The following SGCG variants were observed in gnomAD, a reference collection of about 807,000 sequenced individuals.
The protein encoded by SGCG is sarcoglycan gamma.
A neutral mutation model predicts 29.3 loss-of-function variants in SGCG; 26 were observed. The ratio of observed to expected loss-of-function variants is 0.89; its 90% CI spans 0.65 to 1.23. SGCG has a LOEUF of 1.23. Ranked by LOEUF, SGCG falls within the 50% of genes most tolerant of loss-of-function variation. SGCG has a pLI of 0.00. For synonymous variants in SGCG, 145 were observed against 129.7 expected (o/e 1.12, Z -0.80); for missense variants, 353 against 356.0 (o/e 0.99, Z 0.07).
chr13:23,231,908 C>T (rs1879128744), intron 2 of SGCG, among the ~76,000 whole-genome samples: 1 of 152,062 alleles, frequency 6.6e-6, no homozygotes. Flanking sequence ...CACCTGAGGT[C>T]AGGAGTTCAG....
Position 23,322,753 on chromosome 13 carries a change from GCCCCCCACCCATCCACCTCCCC to G in SGCG, c.703-1608_703-1587del, listed in dbSNP as rs1883085915. Among the ~76,000 whole-genome samples the G allele has an allele frequency of 2.0e-4, 2 of 9,998 alleles. 1 individual carries two copies. The highest frequency in any genetic ancestry group is 0.017 in the East Asian group (2 of 118). The allele number at this position is 9,998 out of a possible 152,430, so 6.6% of individuals were successfully genotyped here. The stretch of plus-strand genomic sequence containing the variant: ...TCGCACCTGCGGCGATGCACAGACC[GCCCCCCACCCATCCACCTCCCC>G]CCCCCCCCCCCCCCGCCAACAGGTG... On this transcript the variant is annotated intron_variant, in intron 7 of 7. Coordinates refer to ENST00000218867, the MANE Select transcript of SGCG (RefSeq NM_000231.3).
chr13:23,203,312 C>T lies in SGCG; in HGVS notation c.1-383C>T, dbSNP rs183813858. On this transcript the variant is annotated intron_variant, in intron 1 of 7. Transcript: ENST00000218867. ...CAGTTTGATTTTCCTCCCAATTAAC[C>T]TTTGTAGAACTCGGTAACTTGATTA... Among the ~76,000 whole-genome samples the T allele has an allele frequency of 2.0e-4, 31 of 152,206 alleles. No homozygotes were observed. In the East Asian group the frequency reaches 6.0e-3, roughly 29 times the overall value.
At chr13:23,238,041 A>T (rs190894023) in intron 3 of SGCG, among the ~76,000 whole-genome samples, 152 of 152,292 alleles carry the variant, frequency 1.0e-3, no homozygotes, top group African/African-American at 3.3e-3. Context: ...TGAAAAAAAA[A>T]ATATATGAAA....
chr13:23,214,871 T>A (rs998932735), intron 2 of SGCG, among the ~76,000 whole-genome samples: 9 of 152,172 alleles, frequency 5.9e-5, no homozygotes, highest in Non-Finnish European at 1.3e-4. Flanking sequence ...CAAAAATCAT[T>A]AGAAGACAAG....
At chr13:23,314,529 CCA>C (rs1882736655) in intron 6 of SGCG, among the ~76,000 whole-genome samples, 1 of 150,440 alleles carries the variant, frequency 6.6e-6, no homozygotes, top group Non-Finnish European at 1.5e-5. Context: ...GATGTTAGTA[CCA>C]GGAGTGGTTC....
At chr13:23,301,530 G>C (rs908786641) in intron 6 of SGCG, among the ~76,000 whole-genome samples, 4 of 152,222 alleles carry the variant, frequency 2.6e-5, no homozygotes, top group East Asian at 3.9e-4. Flanking sequence ...CTAACCAAAA[G>C]AAAGTAGGCA....
At chr13:23,287,001 A>G (rs1881521948) in intron 5 of SGCG, among the ~76,000 whole-genome samples, 1 of 152,346 alleles carries the variant, frequency 6.6e-6, no homozygotes, top group East Asian at 1.9e-4. Flanking sequence ...TTTATCGCCA[A>G]TGGTAAACAT....
In SGCG at chr13:23,292,405, C is replaced by T. The variant is rs1317969573; in HGVS notation, c.506-3010C>T. Among the ~76,000 whole-genome samples the T allele has an allele frequency of 2.0e-5, 3 of 152,230 alleles. No individual in the cohort carries two copies. The East Asian group carries it at 5.8e-4, about 29-fold the overall frequency. The stretch of plus-strand genomic sequence containing the variant: ...GATTACCGGCGTGAGCCACTGCGCC[C>T]ACCGACGTTTCTCTTTCTAATAAAA... On this transcript the variant is annotated intron_variant, in intron 5 of 7. Transcript: ENST00000218867.
At chr13:23,268,930 G>A (rs1038237979) in intron 4 of SGCG, 1 of 149,398 alleles carries the variant, frequency 6.7e-6, no homozygotes, top group East Asian at 1.9e-4. Context: ...TCTTCAGGAA[G>A]ACTAGCCGCT....
At chr13:23,275,899 A>G (rs900053020) in intron 4 of SGCG, among the ~76,000 whole-genome samples, 4 of 152,232 alleles carry the variant, frequency 2.6e-5, no homozygotes, top group African/African-American at 9.6e-5. Flanking sequence ...TAAATTAAAG[A>G]TATCCTGAGG....
At chr13:23,191,904 G>A (rs778137065) in intron 1 of SGCG, among the ~76,000 whole-genome samples, 1 of 152,104 alleles carries the variant, frequency 6.6e-6, no homozygotes, top group African/African-American at 2.4e-5. Context: ...GGGAAGTGTC[G>A]GCCGGGCGCG....
intron 3 of SGCG, among the ~76,000 whole-genome samples, chr13:23,238,667 C>G (rs1481898301): frequency 6.6e-6 from 1 of 152,150 alleles, no homozygotes; most frequent in African/African-American, 2.4e-5. Context: ...CATCCCAGAA[C>G]AGAGTTCTAA....
At chr13:23,289,350 T>C (rs928949972) in intron 5 of SGCG, among the ~76,000 whole-genome samples, 1 of 152,252 alleles carries the variant, frequency 6.6e-6, no homozygotes, top group African/African-American at 2.4e-5. Flanking sequence ...TTGATTAATT[T>C]AGTAGCCAAG....
upstream of SGCG, among the ~76,000 whole-genome samples, chr13:23,180,696 T>C (rs1016668651): frequency 9.2e-5 from 14 of 152,274 alleles, no homozygotes; most frequent in African/African-American, 3.1e-4. Context: ...ATAATTACAT[T>C]AAACTATCAT....
At chr13:23,274,369 G>A (rs1025327175) in intron 4 of SGCG, among the ~76,000 whole-genome samples, 23 of 149,478 alleles carry the variant, frequency 1.5e-4, no homozygotes, top group Non-Finnish European at 1.0e-4. Flanking sequence ...AGTAATGCAA[G>A]GGTGTGTTTT....
chr13:23,210,338 A>G (rs1878143121), intron 2 of SGCG, among the ~76,000 whole-genome samples: 1 of 152,152 alleles, frequency 6.6e-6, no homozygotes, highest in African/African-American at 2.4e-5. Flanking sequence ...ATTTATTGTG[A>G]AAAAAGATTG....
rs377620885 is a variant in SGCG, at chr13:23,324,457, C to G, written c.792C>G (p.Ile264Met). Residue 264 changes from isoleucine (I) to methionine (M), a missense_variant, in exon 8 of 8, where the codon ATC becomes ATG. Physicochemically the swap from Ile to Met is conservative, Grantham distance 10 (BLOSUM62 1). Coordinates refer to ENST00000218867, the MANE Select transcript of SGCG (RefSeq NM_000231.3). ...PSGSSQSLYE[I>M]CVCPDGKLYL... ...GCAGCTCACAGAGCCTCTACGAAAT[C>G]TGTGTGTGTCCAGATGGGAAGCTGT... 4.5e-5 allele frequency: 72 copies of G among 1,613,994 alleles called. No individual in the cohort carries two copies. Among genetic ancestry groups the G allele is most frequent in the Middle Eastern group, 1.7e-4 (1 of 6,036 alleles).
intron 2 of SGCG, among the ~76,000 whole-genome samples, chr13:23,227,153 C>T (rs930365820): frequency 2.0e-5 from 3 of 152,038 alleles, no homozygotes; most frequent in Admixed American, 6.6e-5. Flanking sequence ...AGGTAATGCA[C>T]AATGTGTTGG....
chr13:23,188,607 C>T (rs772441796), intron 1 of SGCG, among the ~76,000 whole-genome samples: 3 of 151,782 alleles, frequency 2.0e-5, no homozygotes, highest in East Asian at 1.9e-4. Context: ...GTGTGAGCCA[C>T]CATGCCCAGC....
Sources: allele counts gnomAD v4.1 joint callset (sites outside exome capture counted in the v4.1 genomes callset), GRCh38; gene constraint gnomAD v4.1.1; transcripts MANE v1.5; gene names NCBI Gene and HGNC (gene_info 2026-07-23, HGNC 2026-07-21).